IQSEC1: variants seen among roughly 807,000 people sequenced by gnomAD.
The protein encoded by IQSEC1 is IQ motif and SEC7 domain-containing protein 1.
In IQSEC1, 31 loss-of-function variants were observed where a neutral mutation model predicts 91.0. The ratio of observed to expected loss-of-function variants is 0.34; its 90% CI spans 0.26 to 0.46. IQSEC1 has a LOEUF of 0.46. IQSEC1 is among the 20% of genes least tolerant of loss of function. The pLI is 1.00. For missense variants in IQSEC1, 1,388 were observed against 1,575.6 expected, an observed-to-expected ratio of 0.88 and a Z score of 2.02; for synonymous variants, 699 against 662.6, an observed-to-expected ratio of 1.05 and a Z score of -0.84.
At chr3:13,053,187 GT>G in intron 1 of IQSEC1, 1 of 717,194 alleles carries the variant, frequency 1.4e-6, no homozygotes, top group East Asian at 2.5e-5. Context: ...ACTGGCTGTG[GT>G]TTTAACCTTG....
At chr3:13,257,443 C>T (rs758549837) in intron 1 of IQSEC1, among the ~76,000 whole-genome samples, 13 of 151,624 alleles carry the variant, frequency 8.6e-5, no homozygotes, top group South Asian at 4.2e-4. Context: ...CTCACATGGC[C>T]CTCCTAGCTG....
At chr3:13,078,398 G>T (rs947751724), upstream of IQSEC1, among the ~76,000 whole-genome samples, 1 of 152,172 alleles carries the variant, frequency 6.6e-6, no homozygotes, top group Non-Finnish European at 1.5e-5. Flanking sequence ...GCCCCTGCGT[G>T]CAGAGACAGA....
chr3:13,029,051 C>T (rs146755221), intron 1 of IQSEC1, among the ~76,000 whole-genome samples: 109 of 152,338 alleles, frequency 7.2e-4, no homozygotes, highest in African/African-American at 2.5e-3. Context: ...ATGGAAGGAG[C>T]TAACGCTGTG....
At chr3:13,237,313 C>A (rs1350946302) in intron 1 of IQSEC1, among the ~76,000 whole-genome samples, 1 of 149,034 alleles carries the variant, frequency 6.7e-6, no homozygotes, top group Non-Finnish European at 1.5e-5. Context: ...AAGGTGGGGA[C>A]AGGCCCCATC....
intron 1 of IQSEC1, among the ~76,000 whole-genome samples, chr3:13,258,237 C>G (rs116739138): frequency 0.013 from 1,906 of 152,282 alleles, 45 homozygotes; most frequent in African/African-American, 0.043. Context: ...ATGTGCCACA[C>G]TAATGCAAGA....
intron 1 of IQSEC1, among the ~76,000 whole-genome samples, chr3:13,233,479 C>T (rs1489351542): frequency 6.6e-6 from 1 of 152,250 alleles, no homozygotes; most frequent in African/African-American, 2.4e-5. Context: ...AACCTCCACT[C>T]ACCTGGGAGC....
intron 1 of IQSEC1, among the ~76,000 whole-genome samples, chr3:13,016,110 G>A (rs749957083): frequency 6.6e-6 from 1 of 152,166 alleles, no homozygotes; most frequent in Non-Finnish European, 1.5e-5. Flanking sequence ...TGGTGCCAGG[G>A]TAGGGTGGCC....
chr3:13,019,309 C>A (rs2124960887), intron 1 of IQSEC1, among the ~76,000 whole-genome samples: 1 of 152,356 alleles, frequency 6.6e-6, no homozygotes, highest in Non-Finnish European at 1.5e-5. Flanking sequence ...GGGCAGAGGG[C>A]CAGGGCTGGC....
At chr3:13,115,764 C>T (rs1163974151) in intron 2 of IQSEC1, among the ~76,000 whole-genome samples, 2 of 152,214 alleles carry the variant, frequency 1.3e-5, no homozygotes, top group African/African-American at 4.8e-5. Flanking sequence ...GCCCATTTCA[C>T]AGGCGAGCTA....
At chr3:13,217,094 T>TA (rs56822068) in intron 1 of IQSEC1, among the ~76,000 whole-genome samples, 77 of 151,004 alleles carry the variant, frequency 5.1e-4, no homozygotes, top group South Asian at 4.2e-4. Flanking sequence ...TTAGTGCTTT[T>TA]AAAAAAAAAA....
chr3:12,922,295 C>T lies in IQSEC1; in HGVS notation c.1731-53G>A. On this transcript the variant is annotated intron_variant, in intron 4 of 13. Transcript: ENST00000613206. This position sits in a 1 kb window ranked among gnomAD's most constrained non-coding sequence, Gnocchi z 5.1. ...AAGCACCCCTTGCAGGTGCGACACGCCCAGCCCACCCCCAGGTGGTGGTGC... is the reference window on the plus strand; with the variant it reads ...AAGCACCCCTTGCAGGTGCGACACGTCCAGCCCACCCCCAGGTGGTGGTGC... 1 of 1,468,506 alleles carries T rather than the reference C, an allele frequency of 6.8e-7. No individual in the cohort carries two copies. The highest frequency in any genetic ancestry group is 1.4e-5 in the South Asian group (1 of 72,606). The allele number at this position is 1,468,506 out of a possible 1,614,324, so 91.0% of individuals were successfully genotyped here.
chr3:13,047,524 T>G (rs1704545027), intron 1 of IQSEC1: 1 of 985,038 alleles, frequency 1.0e-6, no homozygotes, highest in African/African-American at 1.7e-5. Flanking sequence ...AGGGAGCTCC[T>G]GAGGTGGCAA....
At chr3:13,066,828 C>T (rs1199137965) in intron 1 of IQSEC1, among the ~76,000 whole-genome samples, 4 of 152,238 alleles carry the variant, frequency 2.6e-5, no homozygotes, top group Non-Finnish European at 5.9e-5. Context: ...CATTTACAGG[C>T]GTAGCCCACA....
intron 1 of IQSEC1, among the ~76,000 whole-genome samples, chr3:13,041,032 G>A (rs997389406): frequency 3.9e-5 from 6 of 152,144 alleles, no homozygotes; most frequent in Admixed American, 1.3e-4. Flanking sequence ...GTCAGATCTC[G>A]TGGCCACTCT....
intron 2 of IQSEC1, among the ~76,000 whole-genome samples, chr3:13,152,261 T>TA (rs1319520547): frequency 4.6e-5 from 7 of 152,074 alleles, no homozygotes; most frequent in African/African-American, 1.7e-4. Flanking sequence ...ATGAAGAAAA[T>TA]AATCAGGGAG....
intron 2 of IQSEC1, among the ~76,000 whole-genome samples, chr3:13,094,542 C>G (rs747774320): frequency 6.6e-6 from 1 of 152,158 alleles, no homozygotes; most frequent in Non-Finnish European, 1.5e-5. Flanking sequence ...TCCACTCAAC[C>G]TCTCTCTCCT....
At chr3:12,926,375 A>T (rs1377406973) in intron 3 of IQSEC1, among the ~76,000 whole-genome samples, 1 of 151,458 alleles carries the variant, frequency 6.6e-6, no homozygotes, top group East Asian at 1.9e-4. Flanking sequence ...GCCACATGTG[A>T]CCCTGAAGGA....
chr3:13,087,162 C>T (rs1576243765), intron 2 of IQSEC1, among the ~76,000 whole-genome samples: 1 of 152,230 alleles, frequency 6.6e-6, no homozygotes, highest in African/African-American at 2.4e-5. Context: ...TCTAAATCTA[C>T]ACTGGGTAAT....
intron 1 of IQSEC1, among the ~76,000 whole-genome samples, chr3:13,249,111 G>A (rs1435743669): frequency 1.3e-5 from 2 of 151,964 alleles, no homozygotes; most frequent in African/African-American, 4.8e-5. Flanking sequence ...TCAAAGGGTG[G>A]GACTTTGATG....
Sources: gnomAD v4.1 joint callset for allele counts (sites outside exome capture counted in the v4.1 genomes callset) on GRCh38, gnomAD v4.1.1 for gene constraint, Gnocchi (gnomAD v3.1) non-coding constraint, MANE v1.5 for transcripts, NCBI Gene and HGNC (gene_info 2026-07-23, HGNC 2026-07-21) for gene names.